The following L3MBTL2 variants were observed in gnomAD, a reference collection of about 807,000 sequenced individuals.
L3MBTL2 encodes the protein lethal(3)malignant brain tumor-like protein 2.
A neutral mutation model predicts 86.4 loss-of-function variants in L3MBTL2; 49 were observed. The ratio of observed to expected loss-of-function variants is 0.57; its 90% CI spans 0.45 to 0.72. L3MBTL2 has a LOEUF of 0.72. L3MBTL2 is among the 30% of genes least tolerant of loss of function. The pLI, the probability that L3MBTL2 is intolerant of heterozygous loss-of-function variation, is 0.00. For missense variants in L3MBTL2, 755 were observed against 923.7 expected (o/e 0.82, Z 2.37); for synonymous variants, 336 against 350.6 (o/e 0.96, Z 0.47).
intron 5 of L3MBTL2, chr22:41,219,008 C>G (rs980908635): frequency 1.8e-5 from 3 of 163,028 alleles, no homozygotes; most frequent in Non-Finnish European, 4.0e-5. Flanking sequence ...GTCATAATGC[C>G]CACAGCCCAG....
chr22:41,216,299 T>C (rs771492070), intron 4 of L3MBTL2, 37 bp downstream of exon 4: 6 of 1,600,156 alleles, frequency 3.7e-6, no homozygotes, highest in East Asian at 2.2e-5. Context: ...GAAGCTGCCG[T>C]GGCTGGGGAG....
chr22:41,224,019 G>C lies in L3MBTL2; in HGVS notation c.943-1G>C. The C allele has an allele frequency of 6.2e-7, 1 of 1,613,828 alleles. No individual in the cohort carries two copies. Among genetic ancestry groups the C allele is most frequent in the Non-Finnish European group, 8.5e-7 (1 of 1,179,720 alleles). The stretch of plus-strand genomic sequence containing the variant: ...AGGCCTGTGTTCTGACGTCGTTTCA[G>C]ATGGTGGAGAGCATGAAGTACCCCT... On this transcript the variant is annotated splice_acceptor_variant, in intron 8 of 16. Coordinates refer to ENST00000216237, the MANE Select transcript of L3MBTL2 (RefSeq NM_031488.5). LOFTEE classifies it high-confidence loss of function. The surrounding 1 kb of genome is among the most constrained non-coding windows in gnomAD (Gnocchi z 4.9).
Position 41,227,883 on chromosome 22 carries a change from C to T in L3MBTL2, c.1888+14C>T, listed in dbSNP as rs745617904. ...TTGGGAAGAAAAGTAAGTGCTGCAC[C>T]GGTGCAGCCAGGCTGGTGTGGGCCT... On this transcript the variant is annotated intron_variant, in intron 15 of 16. Coordinates refer to ENST00000216237, the MANE Select transcript of L3MBTL2 (RefSeq NM_031488.5). This position sits in a 1 kb window ranked among gnomAD's most constrained non-coding sequence, Gnocchi z 6.0. The T allele has an allele frequency of 2.7e-5, 43 of 1,609,662 alleles. No individual in the cohort carries two copies. Among genetic ancestry groups the T allele is most frequent in the South Asian group, 4.4e-5 (4 of 90,672 alleles).
At chr22:41,229,793 C>CAG in intron 16 of L3MBTL2, 137 bp downstream of exon 16, 2 of 1,402,284 alleles carry the variant, frequency 1.4e-6, no homozygotes, top group Non-Finnish European at 2.0e-6. Context: ...CAGTCCTGTA[C>CAG]CACTGGACCC....
chr22:41,214,992 A>C lies in L3MBTL2; in HGVS notation c.396+966A>C, dbSNP rs1037483000. Among the ~76,000 whole-genome samples the C allele has an allele frequency of 2.0e-4, 24 of 120,530 alleles. No homozygotes were observed. The South Asian group carries it at 4.0e-3, about 20-fold the overall frequency. The allele number at this position is 120,530 out of a possible 152,430, so 79.1% of individuals were successfully genotyped here. ...TGCCACTGCACTCCAGCCTGGGGGG[A>C]AAATATTATGTAAAATATATTGATG... On this transcript the variant is annotated intron_variant, in intron 3 of 16. Transcript: ENST00000216237.
Position 41,224,677 on chromosome 22 carries a change from G to A in L3MBTL2, c.1175-48G>A, listed in dbSNP as rs200596231. ...GGCGTGTGGAGATGGCCCAGGAGCC[G>A]CCTCCAACTCCCTTCTCTCCCTCAT... On this transcript the variant is annotated intron_variant, in intron 9 of 16. Transcript: ENST00000216237. The surrounding 1 kb of genome is among the most constrained non-coding windows in gnomAD (Gnocchi z 4.9). The A allele has an allele frequency of 2.1e-6, 3 of 1,447,596 alleles. No individual in the cohort carries two copies. The highest frequency in any genetic ancestry group is 2.3e-5 in the South Asian group (2 of 87,384). The allele number at this position is 1,447,596 out of a possible 1,614,324, so 89.7% of individuals were successfully genotyped here.
chr22:41,228,050 A>G, intron 15 of L3MBTL2, 181 bp downstream of exon 15: 1 of 984,936 alleles, frequency 1.0e-6, no homozygotes, highest in Non-Finnish European at 1.2e-6. Flanking sequence ...CGGGCCTTTC[A>G]CCCTGTCTCT....
At chr22:41,223,863 G>T (rs1355849584) in intron 8 of L3MBTL2, among the ~76,000 whole-genome samples, 157 bp from the exon 9 acceptor site, 1 of 152,150 alleles carries the variant, frequency 6.6e-6, no homozygotes, top group Non-Finnish European at 1.5e-5. Flanking sequence ...CAGGGCCAAG[G>T]TGAGCCTGGC....
chr22:41,222,790 T>C lies in L3MBTL2; in HGVS notation c.943-1230T>C, dbSNP rs544030398. ...CAAAAATTAGCTGGGTGTGGTGGCA[T>C]GCGCCTGTAATCCCAGCTAACTCAG... On this transcript the variant is annotated intron_variant, in intron 8 of 16. Coordinates refer to ENST00000216237, the MANE Select transcript of L3MBTL2 (RefSeq NM_031488.5). 1.6e-4 allele frequency among the ~76,000 whole-genome samples: 24 copies of C among 152,206 alleles called. No homozygotes were observed. The East Asian group carries it at 4.6e-3, about 29-fold the overall frequency.
rs781036398 is a variant in L3MBTL2, at chr22:41,229,675, G to A, written c.2005+19G>A. 6.2e-7 allele frequency: 1 copy of A among 1,613,000 alleles called. No individual in the cohort carries two copies. The highest frequency in any genetic ancestry group is 8.5e-7 in the Non-Finnish European group (1 of 1,180,000). On this transcript the variant is annotated intron_variant, in intron 16 of 16. Coordinates refer to ENST00000216237, the MANE Select transcript of L3MBTL2 (RefSeq NM_031488.5). ...GGCGAGAGTAAGAGCCACCGGGCTG[G>A]GTCAAGGCAGGACCAGCCTGCTCCG...
At chr22:41,215,163 T>C (rs1391466102) in intron 3 of L3MBTL2, among the ~76,000 whole-genome samples, 1 of 152,188 alleles carries the variant, frequency 6.6e-6, no homozygotes, top group Non-Finnish European at 1.5e-5. Context: ...CCCAGATCCT[T>C]CTGCTTACTG....
Position 41,225,697 on chromosome 22 carries a change from A to C in L3MBTL2, c.1357-97A>C. 3.7e-6 allele frequency: 5 copies of C among 1,336,596 alleles called. No individual in the cohort carries two copies. The highest frequency in any genetic ancestry group is 5.1e-6 in the Non-Finnish European group (5 of 971,860). The allele number at this position is 1,336,596 out of a possible 1,614,324, so 82.8% of individuals were successfully genotyped here. A position where few individuals can be genotyped will look rare whatever the true frequency, so the allele number is the denominator to read the frequency against. On this transcript the variant is annotated intron_variant, in intron 11 of 16. Transcript: ENST00000216237. The surrounding 1 kb of genome is among the most constrained non-coding windows in gnomAD (Gnocchi z 4.1). ...AGGGCCATGCCCTAGATCCGTTTGG[A>C]TCCATTTGCCTCGTGTCCCTATTGG...
Position 41,227,515 on chromosome 22 carries a change from G to A in L3MBTL2, c.1822+192G>A. On this transcript the variant is annotated intron_variant, in intron 14 of 16. Coordinates refer to ENST00000216237, the MANE Select transcript of L3MBTL2 (RefSeq NM_031488.5). The surrounding 1 kb of genome is among the most constrained non-coding windows in gnomAD (Gnocchi z 6.0). ...CTCTGTCTCCCTTTCCCTCTGGCCT[G>A]CAGAGCTCCTTCCTTCATCTTGCCC... 1.4e-6 allele frequency: 2 copies of A among 1,401,472 alleles called. No individual in the cohort carries two copies. The highest frequency in any genetic ancestry group is 2.0e-6 in the Non-Finnish European group (2 of 1,011,984). 86.8% of individuals were successfully genotyped at this position (1,401,472 alleles called of 1,614,324 possible). A position where few individuals can be genotyped will look rare whatever the true frequency, so the allele number is the denominator to read the frequency against.
intron 6 of L3MBTL2, among the ~76,000 whole-genome samples, chr22:41,219,824 C>T (rs1013829127): frequency 2.6e-5 from 4 of 152,180 alleles, no homozygotes; most frequent in Non-Finnish European, 4.4e-5. Context: ...TCACTGCAAC[C>T]TCCACCTCCT....
intron 5 of L3MBTL2, 21 bp downstream of exon 5, chr22:41,217,223 G>A: frequency 6.2e-7 from 1 of 1,600,284 alleles, no homozygotes; most frequent in Non-Finnish European, 8.5e-7. Context: ...TGGAGCTGAG[G>A]GAGGGAGGCC....
At chr22:41,226,605 C>G (rs1200233117) in intron 12 of L3MBTL2, 57 bp from the exon 13 acceptor site, 4 of 1,244,288 alleles carry the variant, frequency 3.2e-6, no homozygotes, top group Non-Finnish European at 4.7e-6. Flanking sequence ...GTCCTTTCCT[C>G]CTGCCCACTT....
chr22:41,217,511 T>C, intron 5 of L3MBTL2: 1 of 290,910 alleles, frequency 3.4e-6, no homozygotes, highest in Non-Finnish European at 6.6e-6. Context: ...CTCCCCCATT[T>C]GCAGCATTTT....
rs146002707 is a variant in L3MBTL2 at position 41,214,222 on chromosome 22, C to T, written c.396+196C>T. The T allele has an allele frequency of 1.0e-3, 577 of 553,770 alleles. 2 individuals carry two copies. Among genetic ancestry groups the T allele is most frequent in the African/African-American group, 9.8e-3 (519 of 53,028 alleles). The allele number at this position is 553,770 out of a possible 1,614,324, so 34.3% of individuals were successfully genotyped here. On this transcript the variant is annotated intron_variant, in intron 3 of 16. Transcript: ENST00000216237. Reference sequence around the variant, plus strand: ...TTTAAATTATAGGTTCCTGAAGCTACGCTCCATTACCTACCATCATCCCCC... The same window carrying T: ...TTTAAATTATAGGTTCCTGAAGCTATGCTCCATTACCTACCATCATCCCCC...
chr22:41,227,284 GAGCTCACCGGCTACC>G lies in L3MBTL2; in HGVS notation c.1789_1803del (p.Thr597_Leu601del). ...AGACATCTACCCCGTCGGCTGGTGT[GAGCTCACCGGCTACC>G]AGCTCCAGCCTCCTGTGGCCGCAGG... On this transcript the variant is annotated inframe_deletion, in exon 14 of 17. Transcript: ENST00000216237. The surrounding 1 kb of genome is among the most constrained non-coding windows in gnomAD (Gnocchi z 6.0). The G allele has an allele frequency of 6.2e-7, 1 of 1,610,750 alleles. No individual in the cohort carries two copies. Among genetic ancestry groups the G allele is most frequent in the South Asian group, 1.1e-5 (1 of 90,548 alleles).
Sources: gnomAD v4.1 joint callset for allele counts (sites outside exome capture counted in the v4.1 genomes callset) on GRCh38, gnomAD v4.1.1 for gene constraint, Gnocchi (gnomAD v3.1) non-coding constraint, MANE v1.5 for transcripts, NCBI Gene and HGNC (gene_info 2026-07-23, HGNC 2026-07-21) for gene names.